Variants in LRRTM4 observed in about 807,000 individuals in gnomAD.
LRRTM4 encodes the protein leucine rich repeat transmembrane neuronal 4, also known as leucine-rich repeat transmembrane neuronal protein 4.
LRRTM4 carries 25 observed loss-of-function variants against 47.6 expected under a neutral mutation model. The observed-to-expected ratio is 0.53, with a 90% CI of 0.38 to 0.73. The LOEUF is 0.73. Ranked by LOEUF, LRRTM4 falls within the 30% of genes least tolerant of loss-of-function variation. LRRTM4 has a pLI of 0.00. For synonymous variants in LRRTM4, 311 were observed against 269.5 expected (o/e 1.15, Z -1.51); for missense variants, 638 against 713.4 (o/e 0.89, Z 1.20).
At chr2:76,902,801 T>C (rs1015653454) in intron 3 of LRRTM4, among the ~76,000 whole-genome samples, 1 of 152,160 alleles carries the variant, frequency 6.6e-6, no homozygotes, top group Non-Finnish European at 1.5e-5. Flanking sequence ...TTCTATTGAG[T>C]TGTACATTAG....
intron 3 of LRRTM4, among the ~76,000 whole-genome samples, chr2:77,088,324 A>G (rs963061839): frequency 1.3e-5 from 2 of 152,154 alleles, no homozygotes; most frequent in Non-Finnish European, 2.9e-5. Context: ...AAAGAAGTGA[A>G]TATGCCCTGC....
rs1375090348 is a variant in LRRTM4, at chr2:77,212,566, TTCTC to T, written c.1551+305748_1551+305751del. Reference sequence around the variant, plus strand: ...AATCTTGAGAATATATATATATATATTCTCTCTCTATATATATAGTCTTCATTTA... The same window carrying T: ...AATCTTGAGAATATATATATATATATTCTCTATATATATAGTCTTCATTTA... On this transcript the variant is annotated intron_variant, in intron 3 of 3. Transcript: ENST00000409884. Among the ~76,000 whole-genome samples the T allele has an allele frequency of 2.7e-3, 404 of 149,262 alleles. 3 individuals carry two copies. The highest frequency in any genetic ancestry group is 9.4e-3 in the African/African-American group (376 of 39,916).
chr2:77,257,361 G>T (rs1675799239), intron 3 of LRRTM4, among the ~76,000 whole-genome samples: 2 of 150,876 alleles, frequency 1.3e-5, no homozygotes, highest in East Asian at 3.9e-4. Flanking sequence ...TTCACAGAGT[G>T]CAAAATAAAC....
At chr2:76,826,295 G>A (rs1032947650) in intron 3 of LRRTM4, among the ~76,000 whole-genome samples, 2 of 151,544 alleles carry the variant, frequency 1.3e-5, no homozygotes, top group African/African-American at 2.4e-5. Flanking sequence ...TAATAGAGTA[G>A]GAAAGAATTT....
intron 3 of LRRTM4, among the ~76,000 whole-genome samples, chr2:77,299,343 G>GTA (rs964071069): frequency 5.4e-5 from 8 of 147,930 alleles, no homozygotes; most frequent in Non-Finnish European, 1.2e-4. Flanking sequence ...ATGTATATAC[G>GTA]TATATATATG....
At chr2:76,799,078 G>A (rs1314125326) in intron 3 of LRRTM4, among the ~76,000 whole-genome samples, 8 of 147,714 alleles carry the variant, frequency 5.4e-5, no homozygotes, top group African/African-American at 7.7e-5. Flanking sequence ...AGAAAAAGAG[G>A]GAATCCTCCC....
At chr2:77,229,490 C>G (rs1255699289) in intron 3 of LRRTM4, among the ~76,000 whole-genome samples, 1 of 152,066 alleles carries the variant, frequency 6.6e-6, no homozygotes, top group Non-Finnish European at 1.5e-5. Context: ...AACGTTGCGT[C>G]TCAAGTCTTT....
chr2:77,240,425 G>C (rs1459248388), intron 3 of LRRTM4, among the ~76,000 whole-genome samples: 1 of 151,864 alleles, frequency 6.6e-6, no homozygotes, highest in Non-Finnish European at 1.5e-5. Context: ...AGCTAGAAAT[G>C]AAAGAAAAGG....
chr2:76,783,227 A>T (rs1674493067), intron 3 of LRRTM4, among the ~76,000 whole-genome samples: 1 of 152,216 alleles, frequency 6.6e-6, no homozygotes, highest in Non-Finnish European at 1.5e-5. Context: ...GCAGTAAGCT[A>T]AATGTTGTGT....
At chr2:77,257,826 G>A (rs1483038805) in intron 3 of LRRTM4, among the ~76,000 whole-genome samples, 1 of 151,824 alleles carries the variant, frequency 6.6e-6, no homozygotes, top group Non-Finnish European at 1.5e-5. Flanking sequence ...CGACCATGTG[G>A]GAAGATATTC....
chr2:77,513,673 C>T (rs1411198028), intron 3 of LRRTM4, among the ~76,000 whole-genome samples: 3 of 152,094 alleles, frequency 2.0e-5, no homozygotes, highest in African/African-American at 4.8e-5. Context: ...TCAAGCGATT[C>T]TCTTGCCTCA....
At chr2:76,946,743 G>C (rs751920980) in intron 3 of LRRTM4, among the ~76,000 whole-genome samples, 42 of 151,848 alleles carry the variant, frequency 2.8e-4, no homozygotes, top group Non-Finnish European at 3.8e-4. Flanking sequence ...CTCATACTTA[G>C]AGTAAGAATT....
intron 3 of LRRTM4, among the ~76,000 whole-genome samples, chr2:77,188,001 T>G (rs1673558654): frequency 6.6e-6 from 1 of 152,182 alleles, no homozygotes; most frequent in Non-Finnish European, 1.5e-5. Flanking sequence ...GTAGCTTTCA[T>G]TAGATTTAAA....
intron 3 of LRRTM4, among the ~76,000 whole-genome samples, chr2:77,049,122 T>TATATATATATATATATA (rs34587249): frequency 2.4e-4 from 15 of 62,662 alleles, no homozygotes; most frequent in South Asian, 5.9e-4. Flanking sequence ...ATTTCATTTT[T>TATATATATATATATATA]TATATATATA....
chr2:77,374,163 A>G (rs1177092238), intron 3 of LRRTM4, among the ~76,000 whole-genome samples: 2 of 151,834 alleles, frequency 1.3e-5, no homozygotes, highest in Non-Finnish European at 2.9e-5. Context: ...AGATGCGAAG[A>G]TGTGATATGG....
At chr2:76,933,120 G>A (rs956558710) in intron 3 of LRRTM4, among the ~76,000 whole-genome samples, 1 of 151,822 alleles carries the variant, frequency 6.6e-6, no homozygotes, top group African/African-American at 2.4e-5. Flanking sequence ...AGTCAAGTTA[G>A]GATAACAATA....
intron 3 of LRRTM4, among the ~76,000 whole-genome samples, chr2:77,495,979 A>T (rs1002869775): frequency 1.3e-5 from 2 of 151,972 alleles, no homozygotes; most frequent in Non-Finnish European, 2.9e-5. Flanking sequence ...GAGATAAGTG[A>T]CATCTCAAGA....
At chr2:76,962,535 A>G (rs1036553056) in intron 3 of LRRTM4, among the ~76,000 whole-genome samples, 7 of 150,884 alleles carry the variant, frequency 4.6e-5, no homozygotes, top group African/African-American at 1.7e-4. Context: ...AGGGAGAGAA[A>G]CAATATAAAT....
intron 3 of LRRTM4, among the ~76,000 whole-genome samples, chr2:77,045,790 AGT>A (rs1406701338): frequency 6.6e-6 from 1 of 151,872 alleles, no homozygotes; most frequent in Non-Finnish European, 1.5e-5. Flanking sequence ...GTCTTGGGTA[AGT>A]GTTTATCAGC....
Sources: allele counts gnomAD v4.1 joint callset (sites outside exome capture counted in the v4.1 genomes callset), GRCh38; gene constraint gnomAD v4.1.1; transcripts MANE v1.5; gene names NCBI Gene and HGNC (gene_info 2026-07-23, HGNC 2026-07-21).